MDC1: variants seen among roughly 807,000 people sequenced by gnomAD.
MDC1 encodes mediator of DNA damage checkpoint protein 1.
MDC1 carries 81 observed loss-of-function variants against 142.5 expected under a neutral mutation model. That is an observed-to-expected ratio of 0.57 (90% CI 0.47 to 0.68). The LOEUF (loss-of-function observed/expected upper bound fraction) is 0.68. Ranked by LOEUF, MDC1 falls within the 30% of genes least tolerant of loss-of-function variation. The pLI is 0.00. For missense variants in MDC1, 2,119 were observed against 2,547.9 expected (o/e 0.83, Z 3.62); for synonymous variants, 797 against 968.4 (o/e 0.82, Z 3.29).
rs1775173238 is a variant in MDC1, at chr6:30,713,171, C to A, written c.771G>T (p.Gln257His). The stretch of plus-strand genomic sequence containing the variant: ...TCACTAAAGGCTGATCCTTTTCAAG[C>A]TGGATTTCAGTTACAACTTCAGCTT... ...QSEAEVVTEI[Q>H]LEKDQPLVKE... is the part of the protein sequence containing the mutation. The change falls in exon 5 of 15, where the codon CAG becomes CAT. Residue 257 changes from glutamine (Q) to histidine (H), a missense_variant. Transcript: ENST00000376406. The surrounding 1 kb of genome is among the most constrained non-coding windows in gnomAD (Gnocchi z 4.9). The A allele has an allele frequency of 1.9e-6, 3 of 1,612,906 alleles. No homozygotes were observed. Among genetic ancestry groups the A allele is most frequent in the African/African-American group, 1.3e-5 (1 of 74,924 alleles).
chr6:30,712,690 G>A lies in MDC1; in HGVS notation c.1252C>T (p.His418Tyr), dbSNP rs1304500105. 1.2e-6 allele frequency: 2 copies of A among 1,612,864 alleles called. No homozygotes were observed. The highest frequency in any genetic ancestry group is 1.7e-6 in the Non-Finnish European group (2 of 1,180,010). Residue 418 changes from histidine to tyrosine, a missense_variant, in exon 5 of 15, where the codon CAT (histidine) becomes TAT (tyrosine). Transcript: ENST00000376406. The surrounding 1 kb of genome is among the most constrained non-coding windows in gnomAD (Gnocchi z 4.7). ...EEVSAALTLA[H>Y]LKESQPAIWN... ...ATAGCAGGCTGGCTCTCTTTCAGAT[G>A]TGCCAAAGTCAGCGCTGCTGAGACT...
Position 30,713,050 on chromosome 6 carries a change from C to T in MDC1, c.892G>A (p.Asp298Asn). The T allele has an allele frequency of 2.5e-6, 4 of 1,612,958 alleles. No homozygotes were observed. Among genetic ancestry groups the T allele is most frequent in the Non-Finnish European group, 3.4e-6 (4 of 1,179,914 alleles). The change falls in exon 5 of 15, where the codon GAC (aspartate) becomes AAC (asparagine). Residue 298 changes from aspartate to asparagine, a missense_variant. Transcript: ENST00000376406. The surrounding 1 kb of genome is among the most constrained non-coding windows in gnomAD (Gnocchi z 4.9). ...TCATCATCCACATCTGTGTCACTGTCCTCTCCAGGAGGTTGGCTCCTCTCC... is the reference window on the plus strand; with the variant it reads ...TCATCATCCACATCTGTGTCACTGTTCTCTCCAGGAGGTTGGCTCCTCTCC... ...ILERSQPPGE[D>N]SDTDVDDDSR...
chr6:30,703,861 G>A lies in MDC1; in HGVS notation c.5322C>T (p.Ala1774=), dbSNP rs1773223745. The A allele has an allele frequency of 6.2e-7, 1 of 1,613,954 alleles. No homozygotes were observed. Among genetic ancestry groups the A allele is most frequent in the Non-Finnish European group, 8.5e-7 (1 of 1,179,930 alleles). Residue 1774 remains alanine (A), a synonymous_variant, in exon 10 of 15, where the codon GCC becomes GCT. Transcript: ENST00000376406. This position sits in a 1 kb window ranked among gnomAD's most constrained non-coding sequence, Gnocchi z 4.4. ...TTGGTGTCTCAAGAAGCTGGGGAGA[G>A]GCAGGCTCAGGAATGGCTGTAAGGG... ...AESLTAIPEP[A]SPQLLETPIH... is the part of the protein sequence containing the mutation.
chr6:30,706,129 G>A (rs772805834), intron 9 of MDC1, 31 bp from the exon 10 acceptor site: 4 of 1,504,844 alleles, frequency 2.7e-6, no homozygotes, highest in African/African-American at 2.8e-5. Context: ...GTGAGGGGGA[G>A]GAGGTGGAGA....
In MDC1 at chr6:30,716,641, A is replaced by G. The variant is rs1052917796; in HGVS notation, c.-4+604T>C. ...CTCTAAGATCTCTCGCTATATTGTA[A>G]CCATTACTTTCCATTTCTGCCTTCA... On this transcript the variant is annotated intron_variant, in intron 1 of 14. Coordinates refer to ENST00000376406, the MANE Select transcript of MDC1 (RefSeq NM_014641.3). The surrounding 1 kb of genome is among the most constrained non-coding windows in gnomAD (Gnocchi z 4.4). Among the ~76,000 whole-genome samples the G allele has an allele frequency of 9.2e-5, 14 of 152,048 alleles. No individual in the cohort carries two copies. Among genetic ancestry groups the G allele is most frequent in the African/African-American group, 3.4e-4 (14 of 41,398 alleles).
At position 30,713,021 on chromosome 6, in the gene MDC1, G is replaced by A. The variant is rs150467388; in HGVS notation, c.921C>T (p.Ser307=). The part of the protein sequence containing the change: ...EDSDTDVDDD[S]RPPGRPAEVH... ...CCTCAGCTGGCCTTCCAGGAGGCCT[G>A]CTGTCATCATCCACATCTGTGTCAC... Residue 307 remains serine, a synonymous_variant, in exon 5 of 15, where the codon AGC becomes AGT. Transcript: ENST00000376406. This position sits in a 1 kb window ranked among gnomAD's most constrained non-coding sequence, Gnocchi z 4.9. 1.2e-5 allele frequency: 20 copies of A among 1,612,740 alleles called. No individual in the cohort carries two copies. Among genetic ancestry groups the A allele is most frequent in the Admixed American group, 1.7e-5 (1 of 60,010 alleles).
At position 30,704,757 on chromosome 6, in the gene MDC1, C is replaced by A. The variant is rs774404458; in HGVS notation, c.4426G>T (p.Gly1476Ter). 6.2e-7 allele frequency: 1 copy of A among 1,608,972 alleles called. No individual in the cohort carries two copies. Among genetic ancestry groups the A allele is most frequent in the Non-Finnish European group, 8.5e-7 (1 of 1,178,340 alleles). Residue 1476 changes from glycine to a stop codon, truncating the protein, a stop_gained, in exon 10 of 15, where the codon GGA becomes TGA. Coordinates refer to ENST00000376406, the MANE Select transcript of MDC1 (RefSeq NM_014641.3). LOFTEE classifies it high-confidence loss of function. ...TPEPTSQATR[G>*]RTDRSSVKTP... ...TTGACAGAGGATCTATCTGTTCTTC[C>A]CCTAGTAGCCTGAGACGTAGGCTCA...
chr6:30,700,684 G>A (rs1772474558), intron 14 of MDC1, 52 bp from the exon 15 acceptor site: 1 of 1,600,060 alleles, frequency 6.2e-7, no homozygotes, highest in Admixed American at 1.7e-5. Context: ...TCCTAGAAAT[G>A]GGTTCAGGAC....
rs374561704 is a variant in MDC1, at chr6:30,704,105, G to A, written c.5078C>T (p.Pro1693Leu). Residue 1693 changes from proline (P) to leucine (L), a missense_variant, in exon 10 of 15, where the codon CCG becomes CTG. Pro to Leu is a moderately conservative substitution (Grantham distance 98). Coordinates refer to ENST00000376406, the MANE Select transcript of MDC1 (RefSeq NM_014641.3). ...TTGGAATTCAGGGGTGGTAGGAACCGGCATAGCTCTTACTGTGGAAGACCT... is the reference window on the plus strand; with the variant it reads ...TTGGAATTCAGGGGTGGTAGGAACCAGCATAGCTCTTACTGTGGAAGACCT... Reference protein sequence around the residue: ...TLRSSTVRAMPVPTTPEFQSP... With the variant: ...TLRSSTVRAMLVPTTPEFQSP... The A allele has an allele frequency of 4.1e-5, 66 of 1,613,910 alleles. No homozygotes were observed. Among genetic ancestry groups the A allele is most frequent in the East Asian group, 1.1e-4 (5 of 44,890 alleles).
intron 9 of MDC1, among the ~76,000 whole-genome samples, chr6:30,706,906 A>G (rs1383897068): frequency 6.6e-6 from 1 of 151,992 alleles, no homozygotes; most frequent in Non-Finnish European, 1.5e-5. Context: ...CGGAGGTTAC[A>G]GTAAGCTGAG....
Position 30,712,480 on chromosome 6 carries a change from C to G in MDC1, c.1462G>C (p.Asp488His), listed in dbSNP as rs535809029. The G allele has an allele frequency of 6.2e-7, 1 of 1,613,052 alleles. No individual in the cohort carries two copies. Among genetic ancestry groups the G allele is most frequent in the Non-Finnish European group, 8.5e-7 (1 of 1,180,032 alleles). Reference protein sequence around the residue: ...RALVRAHSEKDQPPFGDSDDS... With the variant: ...RALVRAHSEKHQPPFGDSDDS... ...TCACTGTCCCCAAAAGGAGGTTGGT[C>G]CTTTTCTGAATGTGCTCTAACAAGG... Residue 488 changes from aspartate to histidine, a missense_variant, in exon 5 of 15, where the codon GAC (aspartate) becomes CAC (histidine). Transcript: ENST00000376406. This position sits in a 1 kb window ranked among gnomAD's most constrained non-coding sequence, Gnocchi z 4.7.
At chr6:30,701,071 T>C (rs997164388) in intron 14 of MDC1, among the ~76,000 whole-genome samples, 2 of 129,544 alleles carry the variant, frequency 1.5e-5, no homozygotes, top group African/African-American at 3.0e-5. Context: ...CAAGACTCCA[T>C]CTCAAAAGAA....
Position 30,704,769 on chromosome 6 carries a change from G to T in MDC1, c.4414C>A (p.Gln1472Lys). Residue 1472 changes from glutamine (Q) to lysine (K), a missense_variant, in exon 10 of 15, where the codon CAG (glutamine) becomes AAG (lysine). Gln to Lys is a moderately conservative substitution (Grantham distance 53, BLOSUM62 1). Transcript: ENST00000376406. ...DQPVTPEPTSQATRGRTDRSS... is the reference protein window; with the variant it reads ...DQPVTPEPTSKATRGRTDRSS... ...CTATCTGTTCTTCCCCTAGTAGCCT[G>T]AGACGTAGGCTCAGGGGTAACAGGC... is the stretch of plus-strand genomic sequence containing the variant. 8 of 1,612,634 alleles carry T rather than the reference G, an allele frequency of 5.0e-6. No individual in the cohort carries two copies. The highest frequency in any genetic ancestry group is 6.8e-6 in the Non-Finnish European group (8 of 1,179,384).
intron 7 of MDC1, among the ~76,000 whole-genome samples, chr6:30,710,555 AC>A (rs201266532): frequency 0.12 from 18,576 of 150,610 alleles, 1,649 homozygotes; most frequent in Non-Finnish European, 0.17. Context: ...GCACCACCAC[AC>A]CCGGCTAATT....
At chr6:30,706,183 T>C (rs1403894149) in intron 9 of MDC1, 85 bp from the exon 10 acceptor site, 18 of 1,189,126 alleles carry the variant, frequency 1.5e-5, no homozygotes, top group Admixed American at 2.6e-5. Flanking sequence ...TTGTTTATGG[T>C]TAGATAGGCT....
rs1223525962 is a variant in MDC1 at position 30,705,802 on chromosome 6, G to A, written c.3381C>T (p.Pro1127=). The A allele has an allele frequency of 1.9e-6, 3 of 1,612,668 alleles. No individual in the cohort carries two copies. The highest frequency in any genetic ancestry group is 1.7e-5 in the Admixed American group (1 of 59,864). Residue 1127 remains proline (P), a synonymous_variant, in exon 10 of 15, where the codon CCC becomes CCT. Transcript: ENST00000376406. ...GCTGGGCTGTGGAGGTGGAAGGGTG[G>A]GGCTCAGGGGCAGCAGAGGTAGCTG... ...PFPATSAAPE[P]HPSTSTAQPV... is the part of the protein sequence containing the mutation.
At chr6:30,700,678 A>C in intron 14 of MDC1, 46 bp from the exon 15 acceptor site, 1 of 1,606,828 alleles carries the variant, frequency 6.2e-7, no homozygotes, top group Non-Finnish European at 8.5e-7. Context: ...AAAGAATCCT[A>C]GAAATGGGTT....
At position 30,712,216 on chromosome 6, in the gene MDC1, C is replaced by A; in HGVS notation, c.1726G>T (p.Asp576Tyr). The A allele has an allele frequency of 6.2e-7, 1 of 1,612,908 alleles. No homozygotes were observed. The highest frequency in any genetic ancestry group is 8.5e-7 in the Non-Finnish European group (1 of 1,179,972). Residue 576 changes from aspartate (D) to tyrosine (Y), a missense_variant, in exon 5 of 15, where the codon GAC becomes TAC. Transcript: ENST00000376406. This position sits in a 1 kb window ranked among gnomAD's most constrained non-coding sequence, Gnocchi z 4.7. ...CCCTCCTCTGCATCTGTTTCACAGT[C>A]CCCATGCAGAGGCCAGGCTTCCTCT... ...SLEEAWPLHG[D>Y]CETDAEEGTS...
In MDC1 at chr6:30,704,275, C is replaced by T; in HGVS notation, c.4908G>A (p.Arg1636=). 6.2e-7 allele frequency: 1 copy of T among 1,613,170 alleles called. No homozygotes were observed. The highest frequency in any genetic ancestry group is 8.5e-7 in the Non-Finnish European group (1 of 1,179,642). The stretch of plus-strand genomic sequence containing the variant: ...ACCTATTTGTCTTTCTCCTAGTGGC[C>T]CTAGATGTGAGCTTGGGGGTGACAG... ...DQPVTPKLTS[R]ATRRKTNRSS... The change falls in exon 10 of 15, where the codon AGG becomes AGA. Residue 1636 remains arginine, a synonymous_variant. Coordinates refer to ENST00000376406, the MANE Select transcript of MDC1 (RefSeq NM_014641.3).
Sources: allele counts gnomAD v4.1 joint callset (sites outside exome capture counted in the v4.1 genomes callset), GRCh38; gene constraint gnomAD v4.1.1; non-coding constraint Gnocchi (gnomAD v3.1); transcripts MANE v1.5; gene names NCBI Gene and HGNC (gene_info 2026-07-23, HGNC 2026-07-21).